The following PCM1 variants were observed in gnomAD, a reference collection of about 807,000 sequenced individuals.
PCM1 encodes the protein pericentriolar material 1 protein.
A neutral mutation model predicts 241.9 loss-of-function variants in PCM1; 157 were observed. That is an observed-to-expected ratio of 0.65 (90% CI 0.57 to 0.74). The LOEUF (loss-of-function observed/expected upper bound fraction) is 0.74, where lower values mean the gene tolerates loss of function less well. Among genes scored for constraint, PCM1 ranks in the 30% least tolerant of loss-of-function variants. The pLI, the probability that PCM1 is intolerant of heterozygous loss-of-function variation, is 0.00. For missense variants in PCM1, 3,478 were observed against 2,360.1 expected (o/e 1.47, Z -9.81); for synonymous variants, 1,085 against 784.9 (o/e 1.38, Z -6.39).
At chr8:17,963,371 C>T (rs1034344997) in intron 17 of PCM1, 80 bp downstream of exon 17, 3 of 981,440 alleles carry the variant, frequency 3.1e-6, no homozygotes, top group Non-Finnish European at 4.6e-6. Context: ...CCACATTTCT[C>T]CTCTACATCA....
intron 27 of PCM1, among the ~76,000 whole-genome samples, chr8:17,990,420 G>A (rs2084175668): frequency 6.6e-6 from 1 of 151,128 alleles, no homozygotes; most frequent in Non-Finnish European, 1.5e-5. Context: ...ATAACCTGTA[G>A]TGAAAACCTC....
intron 27 of PCM1, 26 bp from the exon 28 acceptor site, chr8:17,991,516 A>C: frequency 1.3e-6 from 2 of 1,551,286 alleles, no homozygotes; most frequent in South Asian, 2.4e-5. Flanking sequence ...TTACATACTC[A>C]AAAAATATTT....
At chr8:17,967,703 G>A (rs1438046260) in intron 21 of PCM1, among the ~76,000 whole-genome samples, 1 of 152,222 alleles carries the variant, frequency 6.6e-6, no homozygotes, top group African/African-American at 2.4e-5. Flanking sequence ...TTATTAAGAG[G>A]AAAGAGAACC....
intron 30 of PCM1, 90 bp downstream of exon 30, chr8:18,006,487 A>G (rs878861871): frequency 1.4e-5 from 11 of 813,162 alleles, no homozygotes; most frequent in South Asian, 1.2e-4. Flanking sequence ...CTTGCATTAC[A>G]CAATTTATTC....
chr8:17,994,026 C>A (rs933533156), intron 29 of PCM1, among the ~76,000 whole-genome samples: 5 of 152,072 alleles, frequency 3.3e-5, no homozygotes, highest in African/African-American at 1.2e-4. Flanking sequence ...AGCATTTAAC[C>A]TTTGTGTTAC....
rs192097350 is a variant in PCM1, at chr8:17,986,810, A to G, written c.4410+723A>G. The stretch of plus-strand genomic sequence containing the variant: ...GCAAATACATTCCTTTTTTTATGAC[A>G]ACTCTAGCACCTAGAGATACATGGG... On this transcript the variant is annotated intron_variant, in intron 26 of 38. Coordinates refer to ENST00000325083, the MANE Select transcript of PCM1 (RefSeq NM_006197.4). Among the ~76,000 whole-genome samples the G allele has an allele frequency of 8.9e-4, 135 of 151,884 alleles. 1 individual carries two copies. The highest frequency in any genetic ancestry group is 2.8e-4 in the Non-Finnish European group (19 of 67,738).
chr8:18,015,636 C>G (rs1351447647), intron 36 of PCM1: 1 of 152,162 alleles, frequency 6.6e-6, no homozygotes, highest in Non-Finnish European at 1.5e-5. Context: ...CTCTTTTGGT[C>G]TGGTGTTCCC....
chr8:17,940,529 CTT>C (rs953693306), intron 6 of PCM1, among the ~76,000 whole-genome samples: 1 of 152,118 alleles, frequency 6.6e-6, no homozygotes, highest in Non-Finnish European at 1.5e-5. Flanking sequence ...AGCATGTAGT[CTT>C]TTGGAAATAA....
At chr8:17,924,218 G>C (rs191547887) in intron 1 of PCM1, among the ~76,000 whole-genome samples, 112 of 152,266 alleles carry the variant, frequency 7.4e-4, no homozygotes, top group African/African-American at 2.6e-3. Flanking sequence ...CACCTTCCTG[G>C]TGAGGACCCC....
intron 5 of PCM1, among the ~76,000 whole-genome samples, 198 bp downstream of exon 5, chr8:17,939,207 C>T (rs1426491484): frequency 2.0e-5 from 3 of 152,052 alleles, no homozygotes; most frequent in African/African-American, 7.3e-5. Context: ...TTAGAAATGG[C>T]ATATTCAGGT....
At chr8:17,959,193 A>G (rs2070381573) in intron 13 of PCM1, among the ~76,000 whole-genome samples, 1 of 152,026 alleles carries the variant, frequency 6.6e-6, no homozygotes, top group African/African-American at 2.4e-5. Context: ...ACTAAGTATT[A>G]TTTTATAGCT....
chr8:17,947,704 A>G (rs142810835), intron 7 of PCM1, among the ~76,000 whole-genome samples: 9 of 152,230 alleles, frequency 5.9e-5, no homozygotes, highest in East Asian at 3.9e-4. Flanking sequence ...TTATTCAGCT[A>G]GGATTGTCAT....
rs933907731 is a variant in PCM1, at chr8:17,963,213, C to G, written c.2576C>G (p.Thr859Ser). 6.2e-7 allele frequency: 1 copy of G among 1,613,654 alleles called. No individual in the cohort carries two copies. Among genetic ancestry groups the G allele is most frequent in the Admixed American group, 1.7e-5 (1 of 59,970 alleles). ...EHQRRQGLAE[T>S]ASPVAVSLRS... ...CAGAGGAGGCAAGGTCTAGCTGAAACTGCATCTCCAGTGGCTGTGTCATTG... is the reference window on the plus strand; with the variant it reads ...CAGAGGAGGCAAGGTCTAGCTGAAAGTGCATCTCCAGTGGCTGTGTCATTG... The change falls in exon 17 of 39, where the codon ACT becomes AGT. Residue 859 changes from threonine to serine, a missense_variant. By Grantham distance (58) the Thr-to-Ser change is moderately conservative. Coordinates refer to ENST00000325083, the MANE Select transcript of PCM1 (RefSeq NM_006197.4).
chr8:17,964,264 C>A (rs1437882386), intron 17 of PCM1, among the ~76,000 whole-genome samples: 2 of 152,096 alleles, frequency 1.3e-5, no homozygotes, highest in Non-Finnish European at 2.9e-5. Flanking sequence ...TGCTGAACTG[C>A]ACTGATCTTG....
chr8:17,961,838 G>A (rs2072349718), intron 15 of PCM1, among the ~76,000 whole-genome samples, 196 bp from the exon 16 acceptor site: 5 of 152,046 alleles, frequency 3.3e-5, no homozygotes, highest in Admixed American at 3.3e-4. Flanking sequence ...GAGGGCTTGT[G>A]TTTGTTAACC....
chr8:17,988,071 G>C (rs2083208811), intron 26 of PCM1, among the ~76,000 whole-genome samples: 1 of 151,744 alleles, frequency 6.6e-6, no homozygotes, highest in African/African-American at 2.4e-5. Flanking sequence ...TGTAAGTCAA[G>C]GAGGATGGAG....
intron 24 of PCM1, among the ~76,000 whole-genome samples, chr8:17,981,504 T>C (rs890345694): frequency 4.6e-5 from 7 of 152,180 alleles, no homozygotes; most frequent in Admixed American, 1.3e-4. Flanking sequence ...AGTAGTTTCC[T>C]AATTTGTAAA....
At position 17,955,586 on chromosome 8, in the gene PCM1, A is replaced by G. The variant is rs775038094; in HGVS notation, c.1405A>G (p.Thr469Ala). The change falls in exon 10 of 39, where the codon ACT becomes GCT. Residue 469 changes from threonine to alanine, a missense_variant. Coordinates refer to ENST00000325083, the MANE Select transcript of PCM1 (RefSeq NM_006197.4). ...NSLTSSVPYP[T>A]ASLVSQNESE... ...CCTCACATCATCTGTTCCTTATCCT[A>G]CTGCTTCTCTAGTATCTCAGAATGA... 1 of 1,613,694 alleles carries G rather than the reference A, an allele frequency of 6.2e-7. No individual in the cohort carries two copies. The highest frequency in any genetic ancestry group is 8.5e-7 in the Non-Finnish European group (1 of 1,179,668).
At position 18,009,556 on chromosome 8, in the gene PCM1, G is replaced by A. The variant is rs1295888440; in HGVS notation, c.4972G>A (p.Ala1658Thr). 6.3e-7 allele frequency: 1 copy of A among 1,594,018 alleles called. No individual in the cohort carries two copies. The highest frequency in any genetic ancestry group is 2.3e-5 in the East Asian group (1 of 44,266). ...GTTTATCTTTGAATAGGATTCACTG[G>A]CAAAATTTGCTGGCAGAAAACTGAA... ...QLGSILQDSL[A>T]KFAGRKLKDC... The change falls in exon 31 of 39, where the codon GCA becomes ACA. Residue 1658 changes from alanine (A) to threonine (T), a missense_variant. Coordinates refer to ENST00000325083, the MANE Select transcript of PCM1 (RefSeq NM_006197.4).
Sources: gnomAD v4.1 joint callset for allele counts (sites outside exome capture counted in the v4.1 genomes callset) on GRCh38, gnomAD v4.1.1 for gene constraint, MANE v1.5 for transcripts, NCBI Gene and HGNC (gene_info 2026-07-23, HGNC 2026-07-21) for gene names.